CHD2: variants seen among roughly 807,000 people sequenced by gnomAD.
The protein encoded by CHD2 is ATP-dependent chromatin remodeler CHD2.
CHD2 carries 28 observed loss-of-function variants against 243.9 expected under a neutral mutation model. The observed-to-expected ratio is 0.11, with a 90% CI of 0.09 to 0.16. CHD2 has a LOEUF of 0.16. CHD2 is among the 10% of genes least tolerant of loss of function. The pLI is 1.00. For missense variants in CHD2, 1,386 were observed against 2,209.8 expected (o/e 0.63, Z 7.47); for synonymous variants, 775 against 779.0 (o/e 0.99, Z 0.09).
At chr15:92,928,954 G>T in intron 4 of CHD2, 76 bp from the exon 5 acceptor site, 1 of 1,379,046 alleles carries the variant, frequency 7.3e-7, no homozygotes, top group South Asian at 1.2e-5. Context: ...GTAGACTGTT[G>T]ATCCAGGAGA....
At chr15:92,983,537 G>A (rs1048679855) in intron 24 of CHD2, among the ~76,000 whole-genome samples, 9 of 152,258 alleles carry the variant, frequency 5.9e-5, no homozygotes, top group African/African-American at 2.2e-4. Context: ...CTAGGAGGGA[G>A]GGAATAAGAA....
At chr15:92,928,653 A>G (rs1430681412) in intron 4 of CHD2, among the ~76,000 whole-genome samples, 1 of 152,262 alleles carries the variant, frequency 6.6e-6, no homozygotes, top group African/African-American at 2.4e-5. Context: ...GTTAAAAATA[A>G]AACTTCCATT....
intron 26 of CHD2, among the ~76,000 whole-genome samples, chr15:92,988,076 T>C (rs1039233554): frequency 2.7e-5 from 4 of 148,152 alleles, no homozygotes; most frequent in African/African-American, 9.7e-5. Flanking sequence ...ATATAGTTAG[T>C]TGTCTCTTTT....
chr15:92,918,940 C>T (rs1437277925), intron 2 of CHD2, among the ~76,000 whole-genome samples: 1 of 151,248 alleles, frequency 6.6e-6, no homozygotes, highest in African/African-American at 2.4e-5. Flanking sequence ...CTCACTGAAA[C>T]GTCCACCTCC....
intron 26 of CHD2, among the ~76,000 whole-genome samples, chr15:92,989,215 A>C (rs2054085861): frequency 6.6e-6 from 1 of 151,946 alleles, no homozygotes; most frequent in African/African-American, 2.4e-5. Context: ...TATTTTTAGT[A>C]GAGACAGGGT....
At chr15:92,949,127 A>G in intron 13 of CHD2, 51 bp downstream of exon 13, 1 of 1,586,450 alleles carries the variant, frequency 6.3e-7, no homozygotes, top group Non-Finnish European at 8.5e-7. Context: ...TGGCTTCTTT[A>G]TTGTTAGATG....
intron 19 of CHD2, among the ~76,000 whole-genome samples, chr15:92,973,093 A>T (rs2053863825): frequency 6.6e-6 from 1 of 152,174 alleles, no homozygotes; most frequent in Non-Finnish European, 1.5e-5. Context: ...CAAATCCTAG[A>T]AGGAGAGGGC....
intron 4 of CHD2, 147 bp downstream of exon 4, chr15:92,927,477 C>G (rs2053084656): frequency 1.8e-6 from 1 of 561,322 alleles, no homozygotes; most frequent in African/African-American, 1.9e-5. Context: ...TGACCAGATA[C>G]AGTAAGGCAA....
At chr15:93,004,781 T>C (rs772101376) in intron 34 of CHD2, 30 bp downstream of exon 34, 1 of 1,602,498 alleles carries the variant, frequency 6.2e-7, no homozygotes, top group South Asian at 1.1e-5. Flanking sequence ...GGTGCCAGTG[T>C]CTGCAGCCGC....
intron 2 of CHD2, among the ~76,000 whole-genome samples, chr15:92,909,972 G>GTATA (rs1399839623): frequency 6.7e-6 from 1 of 149,812 alleles, no homozygotes; most frequent in Non-Finnish European, 1.5e-5. Flanking sequence ...GTGTGTGTAT[G>GTATA]TATATATGTA....
At chr15:92,901,728 G>GA (rs759313459) in intron 2 of CHD2, 11 of 307,180 alleles carry the variant, frequency 3.6e-5, no homozygotes, top group African/African-American at 2.1e-4. Flanking sequence ...GAGGGCCATA[G>GA]AGAAGCCTTG....
At chr15:93,003,819 A>G (rs2054287716) in intron 33 of CHD2, among the ~76,000 whole-genome samples, 1 of 122,848 alleles carries the variant, frequency 8.1e-6, no homozygotes. Context: ...AGCATACTGT[A>G]TGCTTAAAAA....
chr15:92,961,693 T>C (rs767770046), intron 16 of CHD2, among the ~76,000 whole-genome samples: 1 of 152,174 alleles, frequency 6.6e-6, no homozygotes, highest in Middle Eastern at 3.2e-3. Flanking sequence ...ATAATAGGCA[T>C]GAACCACTGT....
rs573900595 is a variant in CHD2, at chr15:92,904,780, C to T, written c.62+3481C>T. ...CATACCTTAGCGTCCCTTCTCCCCG[C>T]CCCCGTTCAGTGTGAAGAGATGAGT... On this transcript the variant is annotated intron_variant, in intron 2 of 38. Coordinates refer to ENST00000394196, the MANE Select transcript of CHD2 (RefSeq NM_001271.4). 5.7e-6 allele frequency: 8 copies of T among 1,413,924 alleles called. No individual in the cohort carries two copies. The African/African-American group carries it at 8.7e-5, about 15-fold the overall frequency. The allele number at this position is 1,413,924 out of a possible 1,614,324, so 87.6% of individuals were successfully genotyped here. A position where few individuals can be genotyped will look rare whatever the true frequency, so the allele number is the denominator to read the frequency against.
intron 13 of CHD2, among the ~76,000 whole-genome samples, chr15:92,951,152 C>G (rs145529343): frequency 6.6e-6 from 1 of 152,006 alleles, no homozygotes; most frequent in African/African-American, 2.4e-5. Flanking sequence ...CAGTCCTTGG[C>G]CAGCATTTTT....
chr15:92,974,801 A>T lies in CHD2; in HGVS notation c.2506-78A>T, dbSNP rs188805658. The T allele has an allele frequency of 2.3e-6, 3 of 1,323,902 alleles. No homozygotes were observed. In the African/African-American group the frequency reaches 4.3e-5, roughly 19 times the overall value. The allele number at this position is 1,323,902 out of a possible 1,614,324, so 82.0% of individuals were successfully genotyped here. A position where few individuals can be genotyped will look rare whatever the true frequency, so the allele number is the denominator to read the frequency against. On this transcript the variant is annotated intron_variant, in intron 19 of 38. Coordinates refer to ENST00000394196, the MANE Select transcript of CHD2 (RefSeq NM_001271.4). Reference sequence around the variant, plus strand: ...TACTCAGTGGGTGTTCAGGTGATAAAGGTTCCAAGTCTGCTGTTCTATTCT... The same window carrying T: ...TACTCAGTGGGTGTTCAGGTGATAATGGTTCCAAGTCTGCTGTTCTATTCT...
intron 16 of CHD2, among the ~76,000 whole-genome samples, chr15:92,961,475 C>T (rs559295680): frequency 2.8e-4 from 42 of 152,312 alleles, no homozygotes; most frequent in African/African-American, 9.9e-4. Flanking sequence ...TCATAGTTCA[C>T]TGTAACCTCG....
At chr15:92,929,776 A>G (rs1218457800) in intron 5 of CHD2, among the ~76,000 whole-genome samples, 1 of 152,168 alleles carries the variant, frequency 6.6e-6, no homozygotes, top group Non-Finnish European at 1.5e-5. Flanking sequence ...TTTGTATACC[A>G]GTTCAGGGGT....
chr15:92,900,564 C>G lies in CHD2; in HGVS notation c.-332C>G, dbSNP rs2052514929. On this transcript the variant is annotated 5_prime_UTR_variant, in exon 1 of 39. Transcript: ENST00000394196. Reference sequence around the variant, plus strand: ...GGAAAGAAGCAGCCGTACTGAGAGCCCAGGTCGTTGTTTTTTCCAGCTTAG... The same window carrying G: ...GGAAAGAAGCAGCCGTACTGAGAGCGCAGGTCGTTGTTTTTTCCAGCTTAG... The G allele has an allele frequency of 2.5e-6, 1 of 398,442 alleles. No homozygotes were observed. Among genetic ancestry groups the G allele is most frequent in the South Asian group, 1.3e-4 (1 of 7,862 alleles). The allele number at this position is 398,442 out of a possible 1,614,324, so 24.7% of individuals were successfully genotyped here.
Sources: gnomAD v4.1 joint callset for allele counts (sites outside exome capture counted in the v4.1 genomes callset) on GRCh38, gnomAD v4.1.1 for gene constraint, MANE v1.5 for transcripts, NCBI Gene and HGNC (gene_info 2026-07-23, HGNC 2026-07-21) for gene names.